CSMD1: variants seen among roughly 807,000 people sequenced by gnomAD.
CSMD1 encodes the protein CUB and sushi domain-containing protein 1.
In CSMD1, 213 loss-of-function variants were observed where a neutral mutation model predicts 417.5. That is an observed-to-expected ratio of 0.51 (90% CI 0.46 to 0.57). The LOEUF (loss-of-function observed/expected upper bound fraction) is 0.57, where lower values mean the gene tolerates loss of function less well. Among genes scored for constraint, CSMD1 ranks in the 20% least tolerant of loss-of-function variants. The pLI is 0.00. For synonymous variants in CSMD1, 2,862 were observed against 1,736.8 expected, an observed-to-expected ratio of 1.65 and a Z score of -16.11; for missense variants, 6,923 against 4,529.7, an observed-to-expected ratio of 1.53 and a Z score of -15.17.
rs267601901 is a variant in CSMD1 at position 3,408,088 on chromosome 8, C to T, written c.1882G>A (p.Asp628Asn). The change falls in exon 14 of 70, where the codon GAT becomes AAT. Residue 628 changes from aspartate (D) to asparagine (N), a missense_variant. Coordinates refer to ENST00000635120, the MANE Select transcript of CSMD1 (RefSeq NM_033225.6). ...TCAAACTGAGGCTCAACATCAAAAT[C>T]ATTAAAGATTAGGTGAATTCGACTT... ...PGSRIHLIFN[D>N]FDVEPQFDFL... is the part of the protein sequence containing the mutation. 3 of 1,613,766 alleles carry T rather than the reference C, an allele frequency of 1.9e-6. No individual in the cohort carries two copies. Among genetic ancestry groups the T allele is most frequent in the Non-Finnish European group, 2.5e-6 (3 of 1,179,868 alleles).
intron 33 of CSMD1, among the ~76,000 whole-genome samples, chr8:3,197,686 G>C (rs566775584): frequency 6.6e-6 from 1 of 151,884 alleles, no homozygotes; most frequent in Non-Finnish European, 1.5e-5. Flanking sequence ...GGATGGTCTC[G>C]ATCTCCTGAC....
chr8:3,616,747 T>G lies in CSMD1; in HGVS notation c.1060A>C (p.Ile354Leu). 1 of 1,612,640 alleles carries G rather than the reference T, an allele frequency of 6.2e-7. No homozygotes were observed. The highest frequency in any genetic ancestry group is 8.5e-7 in the Non-Finnish European group (1 of 1,179,174). Residue 354 changes from isoleucine (I) to leucine (L), a missense_variant, in exon 8 of 70, where the codon ATT (isoleucine) becomes CTT (leucine). Ile to Leu is a conservative substitution (Grantham distance 5). Transcript: ENST00000635120. ...LVSDMCPDPG[I>L]PENGRRAGSD... is the part of the protein sequence containing the mutation. The stretch of plus-strand genomic sequence containing the variant: ...CCTGCTCTTCTACCATTTTCTGGAA[T>G]CCCAGGATCTGGACACATGTCAGAG...
intron 3 of CSMD1, among the ~76,000 whole-genome samples, chr8:4,185,037 G>T (rs1234840956): frequency 2.0e-5 from 3 of 150,992 alleles, no homozygotes; most frequent in Admixed American, 6.6e-5. Flanking sequence ...TACTTGGGAG[G>T]CTGAGGCAGG....
intron 3 of CSMD1, among the ~76,000 whole-genome samples, chr8:4,035,602 T>C (rs980217236): frequency 2.0e-5 from 3 of 152,154 alleles, no homozygotes; most frequent in African/African-American, 7.2e-5. Flanking sequence ...TTTTAATGAA[T>C]ACAGTTTAAA....
intron 1 of CSMD1, among the ~76,000 whole-genome samples, chr8:4,870,321 G>C (rs150757326): frequency 1.3e-5 from 2 of 152,180 alleles, no homozygotes; most frequent in Non-Finnish European, 2.9e-5. Context: ...CATCACTTTT[G>C]AAAACTAGGC....
chr8:4,775,362 A>G (rs376672162), intron 1 of CSMD1, among the ~76,000 whole-genome samples: 1 of 152,204 alleles, frequency 6.6e-6, no homozygotes, highest in Non-Finnish European at 1.5e-5. Flanking sequence ...ATTTTTATAG[A>G]AAAGTGTTAT....
At chr8:3,328,811 G>A (rs937711644) in intron 23 of CSMD1, among the ~76,000 whole-genome samples, 1 of 152,220 alleles carries the variant, frequency 6.6e-6, no homozygotes, top group South Asian at 2.1e-4. Flanking sequence ...ATTAAATTGG[G>A]GAATTAGTTA....
At chr8:4,178,883 C>A (rs539383102) in intron 3 of CSMD1, among the ~76,000 whole-genome samples, 2 of 152,180 alleles carry the variant, frequency 1.3e-5, no homozygotes, top group South Asian at 2.1e-4. Context: ...ATGAGAAGGA[C>A]CTCTTCAAGG....
intron 10 of CSMD1, among the ~76,000 whole-genome samples, chr8:3,496,016 T>C (rs1796349588): frequency 6.6e-6 from 1 of 152,132 alleles, no homozygotes; most frequent in East Asian, 1.9e-4. Flanking sequence ...ACCTAGGTAT[T>C]AAGCCCAGCA....
intron 3 of CSMD1, among the ~76,000 whole-genome samples, chr8:4,071,113 G>T (rs566589746): frequency 1.3e-5 from 2 of 152,072 alleles, no homozygotes; most frequent in South Asian, 2.1e-4. Context: ...AGACTCTTGA[G>T]TCTTTTTTTT....
intron 2 of CSMD1, among the ~76,000 whole-genome samples, chr8:4,443,984 G>A (rs754083323): frequency 2.6e-5 from 4 of 152,098 alleles, no homozygotes; most frequent in African/African-American, 9.7e-5. Flanking sequence ...AGGTGAAAAT[G>A]TACAAACGGA....
intron 3 of CSMD1, among the ~76,000 whole-genome samples, chr8:4,247,978 C>T (rs1303607591): frequency 2.0e-5 from 3 of 152,084 alleles, no homozygotes; most frequent in Non-Finnish European, 2.9e-5. Flanking sequence ...ATTGCTTCAA[C>T]CAACCTTCAG....
At chr8:3,840,336 A>G (rs989872112) in intron 5 of CSMD1, among the ~76,000 whole-genome samples, 2 of 152,194 alleles carry the variant, frequency 1.3e-5, no homozygotes, top group Admixed American at 1.3e-4. Context: ...TCCTGTTAAC[A>G]GAAATATCCT....
chr8:3,903,108 G>C (rs947892801), intron 5 of CSMD1, among the ~76,000 whole-genome samples: 4 of 152,126 alleles, frequency 2.6e-5, no homozygotes, highest in South Asian at 2.1e-4. Flanking sequence ...GCTGAGCTAG[G>C]TGGAGACCTT....
intron 10 of CSMD1, among the ~76,000 whole-genome samples, chr8:3,517,684 G>C (rs891515375): frequency 2.6e-5 from 4 of 152,100 alleles, no homozygotes; most frequent in African/African-American, 7.2e-5. Flanking sequence ...TTTTTCACTT[G>C]TAGACACAAA....
chr8:3,988,961 T>C (rs992755613), intron 5 of CSMD1, among the ~76,000 whole-genome samples: 4 of 152,194 alleles, frequency 2.6e-5, no homozygotes, highest in Admixed American at 6.5e-5. Flanking sequence ...AATTTGAAGG[T>C]TATTTGCTGA....
intron 25 of CSMD1, among the ~76,000 whole-genome samples, chr8:3,291,830 G>T (rs901769784): frequency 1.3e-5 from 2 of 151,960 alleles, no homozygotes; most frequent in African/African-American, 4.8e-5. Flanking sequence ...ATTTCCTTCA[G>T]TTCTGCTCCG....
intron 5 of CSMD1, among the ~76,000 whole-genome samples, chr8:3,764,906 C>G (rs1798190141): frequency 6.6e-6 from 1 of 151,922 alleles, no homozygotes; most frequent in South Asian, 2.1e-4. Context: ...CCACCACACC[C>G]AGCTCATTTT....
chr8:4,695,946 C>T (rs7011905), intron 1 of CSMD1, among the ~76,000 whole-genome samples: 25 of 152,144 alleles, frequency 1.6e-4, no homozygotes, highest in Non-Finnish European at 2.4e-4. Flanking sequence ...ACATGAAAGC[C>T]GGCTGTGGTT....
Sources: gnomAD v4.1 joint callset for allele counts (sites outside exome capture counted in the v4.1 genomes callset) on GRCh38, gnomAD v4.1.1 for gene constraint, MANE v1.5 for transcripts, NCBI Gene and HGNC (gene_info 2026-07-23, HGNC 2026-07-21) for gene names.